LAMA3: variants seen among roughly 807,000 people sequenced by gnomAD.
LAMA3 encodes laminin subunit alpha-3.
A neutral mutation model predicts 402.0 loss-of-function variants in LAMA3; 281 were observed. The ratio of observed to expected loss-of-function variants is 0.70; its 90% CI spans 0.63 to 0.77. The LOEUF is 0.77. Ranked by LOEUF, LAMA3 falls within the 30% of genes least tolerant of loss-of-function variation. The probability of loss-of-function intolerance (pLI) is 0.00; values close to 1 mark genes in which losing one functional copy is unlikely to be tolerated. For missense variants in LAMA3, 3,840 were observed against 4,215.5 expected (o/e 0.91, Z 2.47); for synonymous variants, 1,431 against 1,558.4 (o/e 0.92, Z 1.93).
chr18:23,820,553 T>A (rs2063265188), intron 19 of LAMA3, among the ~76,000 whole-genome samples: 1 of 152,218 alleles, frequency 6.6e-6, no homozygotes, highest in African/African-American at 2.4e-5. Context: ...TCTTCTCTAC[T>A]GCATCCATCT....
chr18:23,910,014 C>T (rs967844445), intron 55 of LAMA3, among the ~76,000 whole-genome samples: 1 of 152,044 alleles, frequency 6.6e-6, no homozygotes, highest in African/African-American at 2.4e-5. Context: ...GCAAAGTATT[C>T]CCAACATAAA....
At chr18:23,804,225 C>T (rs1367431132) in intron 12 of LAMA3, among the ~76,000 whole-genome samples, 1 of 152,200 alleles carries the variant, frequency 6.6e-6, no homozygotes, top group East Asian at 1.9e-4. Context: ...CACTGTCGTT[C>T]ACTTATGTGG....
chr18:23,850,458 C>T (rs1003567270), intron 32 of LAMA3, among the ~76,000 whole-genome samples: 2 of 152,202 alleles, frequency 1.3e-5, no homozygotes, highest in African/African-American at 4.8e-5. Flanking sequence ...CTGGGCAAGT[C>T]ATTTTGTCTG....
At chr18:23,932,012 G>A in intron 65 of LAMA3, 148 bp from the exon 66 acceptor site, 1 of 940,922 alleles carries the variant, frequency 1.1e-6, no homozygotes, top group Non-Finnish European at 1.7e-6. Flanking sequence ...GAAAAAAGTT[G>A]TAATGCTCTT....
chr18:23,866,726 T>A (rs2064367245), intron 36 of LAMA3, among the ~76,000 whole-genome samples: 1 of 152,202 alleles, frequency 6.6e-6, no homozygotes, highest in Non-Finnish European at 1.5e-5. Flanking sequence ...CCTTCAAACA[T>A]GGAAAATAAT....
chr18:23,700,609 A>G (rs747010428), intron 1 of LAMA3, among the ~76,000 whole-genome samples: 9 of 152,182 alleles, frequency 5.9e-5, no homozygotes, highest in Non-Finnish European at 1.2e-4. Context: ...TAAAATGGGG[A>G]CACCATACAG....
chr18:23,695,772 GGGT>G (rs2060672800), intron 1 of LAMA3, among the ~76,000 whole-genome samples: 2 of 111,968 alleles, frequency 1.8e-5, no homozygotes, highest in Non-Finnish European at 3.3e-5. Flanking sequence ...ACTCCAGCCT[GGGT>G]GACACAGCAA....
chr18:23,928,054 C>T (rs907086960), intron 62 of LAMA3, 69 bp from the exon 63 acceptor site: 21 of 1,060,666 alleles, frequency 2.0e-5, no homozygotes, highest in Non-Finnish European at 2.8e-5. Flanking sequence ...AAGAGCACAG[C>T]GTTTCAGCTC....
intron 1 of LAMA3, among the ~76,000 whole-genome samples, chr18:23,695,796 CAAAAAAAAAAAAAAAAAAAAAAAAA>C (rs58873998): frequency 2.6e-4 from 10 of 38,620 alleles, no homozygotes; most frequent in Admixed American, 5.8e-4. Context: ...GACTCCATCT[CAAAAAAAAAAAAAAAAAAAAAAAAA>C]AAAAAAAAAA....
rs267605130 is a variant in LAMA3 at position 23,816,418 on chromosome 18, C to T, written c.2078C>T (p.Ser693Phe). 6.2e-7 allele frequency: 1 copy of T among 1,614,002 alleles called. No homozygotes were observed. ...CAGTGTGACATTGGTGGGGCATTGT[C>T]CTCCATGTGCAGTGGGCCCTCGGGA... ...GCQCDIGGAL[S>F]SMCSGPSGVC... The change falls in exon 18 of 75, where the codon TCC becomes TTC. Residue 693 changes from serine to phenylalanine, a missense_variant. By Grantham distance (155) the Ser-to-Phe change is radical. Transcript: ENST00000313654.
chr18:23,857,935 G>C lies in LAMA3; in HGVS notation c.4228G>C (p.Asp1410His), dbSNP rs757645857. 1.9e-6 allele frequency: 3 copies of C among 1,614,212 alleles called. No homozygotes were observed. The highest frequency in any genetic ancestry group is 2.5e-6 in the Non-Finnish European group (3 of 1,180,034). Reference sequence around the variant, plus strand: ...GTGTGTTCCCTGCAATTGCAACAGAGATGGGACTGAGCCAGGAGTGTGTGA... The same window carrying C: ...GTGTGTTCCCTGCAATTGCAACAGACATGGGACTGAGCCAGGAGTGTGTGA... The part of the protein sequence containing the change: ...PECVPCNCNR[D>H]GTEPGVCDPG... The change falls in exon 33 of 75, where the codon GAT becomes CAT. Residue 1410 changes from aspartate to histidine, a missense_variant. Around this residue, in one of 3 missense-constraint regions of LAMA3, gnomAD observed 2,109 missense variants for 2,376.0 expected, o/e 0.89. Transcript: ENST00000313654.
intron 36 of LAMA3, 90 bp from the exon 37 acceptor site, chr18:23,867,744 G>A (rs1452736552): frequency 4.0e-6 from 4 of 990,098 alleles, no homozygotes; most frequent in African/African-American, 3.2e-5. Context: ...GTCATATGAT[G>A]TAGACCATAG....
At chr18:23,717,314 T>G (rs1350011143) in intron 2 of LAMA3, among the ~76,000 whole-genome samples, 3 of 152,070 alleles carry the variant, frequency 2.0e-5, no homozygotes, top group Admixed American at 6.5e-5. Flanking sequence ...GGGAGAGAAG[T>G]GGGAATTTTG....
At chr18:23,719,366 A>G (rs1479958018) in intron 2 of LAMA3, among the ~76,000 whole-genome samples, 2 of 152,208 alleles carry the variant, frequency 1.3e-5, no homozygotes, top group African/African-American at 2.4e-5. Context: ...GGAAGCCTAG[A>G]TTGAGACCCT....
At chr18:23,794,049 C>T (rs2062714623) in intron 12 of LAMA3, among the ~76,000 whole-genome samples, 6 of 152,244 alleles carry the variant, frequency 3.9e-5, no homozygotes, top group Admixed American at 3.9e-4. Context: ...GGGGAAGAGA[C>T]TGGGAGCTTC....
At chr18:23,933,098 C>T (rs2082213667) in intron 66 of LAMA3, among the ~76,000 whole-genome samples, 1 of 152,308 alleles carries the variant, frequency 6.6e-6, no homozygotes, top group South Asian at 2.1e-4. Context: ...GACTTTCCTC[C>T]TCATAGTCAG....
chr18:23,776,579 C>T (rs1272155718), intron 10 of LAMA3, among the ~76,000 whole-genome samples: 1 of 152,178 alleles, frequency 6.6e-6, no homozygotes, highest in Non-Finnish European at 1.5e-5. Flanking sequence ...CTCTGTATCA[C>T]TCTATCAGAT....
In LAMA3 at chr18:23,914,824, T is replaced by G. The variant is rs748635596; in HGVS notation, c.7608T>G (p.Val2536=). 1 of 1,613,210 alleles carries G rather than the reference T, an allele frequency of 6.2e-7. No homozygotes were observed. The highest frequency in any genetic ancestry group is 8.5e-7 in the Non-Finnish European group (1 of 1,179,180). ...NTLLNLDPEN[V]VFYVGGYPPD... ...TCCTTAATTTGGATCCTGAAAATGTTGTATTTTATGTTGGAGGTTACCCAC... is the reference window on the plus strand; with the variant it reads ...TCCTTAATTTGGATCCTGAAAATGTGGTATTTTATGTTGGAGGTTACCCAC... Residue 2536 remains valine, a synonymous_variant, in exon 58 of 75, where the codon GTT becomes GTG. Coordinates refer to ENST00000313654, the MANE Select transcript of LAMA3 (RefSeq NM_198129.4).
intron 12 of LAMA3, among the ~76,000 whole-genome samples, chr18:23,800,281 G>A (rs73969528): frequency 0.029 from 4,482 of 152,218 alleles, 217 homozygotes; most frequent in African/African-American, 0.1. Context: ...TAAAGTCCTC[G>A]GGTGATGTTC....
Sources: gnomAD v4.1 joint callset for allele counts (sites outside exome capture counted in the v4.1 genomes callset) on GRCh38, gnomAD v4.1.1 for gene constraint, gnomAD v4.1.1 regional missense constraint, MANE v1.5 for transcripts, NCBI Gene and HGNC (gene_info 2026-07-23, HGNC 2026-07-21) for gene names.